RBKS: variants seen among roughly 807,000 people sequenced by gnomAD.
RBKS encodes ribokinase.
RBKS carries 33 observed loss-of-function variants against 33.9 expected under a neutral mutation model. The ratio of observed to expected loss-of-function variants is 0.97; its 90% CI spans 0.74 to 1.30. The LOEUF (loss-of-function observed/expected upper bound fraction) is 1.30, where lower values mean the gene tolerates loss of function less well. RBKS is among the 50% of genes most tolerant of loss of function. The pLI is 0.00. For missense variants in RBKS, 361 were observed against 392.6 expected (o/e 0.92, Z 0.68); for synonymous variants, 125 against 143.0 (o/e 0.87, Z 0.90).
intron 5 of RBKS, among the ~76,000 whole-genome samples, chr2:27,841,165 A>G (rs550324779): frequency 2.6e-4 from 39 of 152,088 alleles, no homozygotes; most frequent in East Asian, 2.5e-3. Flanking sequence ...ACCCCACCCA[A>G]TGACAGCCCC....
intron 7 of RBKS, among the ~76,000 whole-genome samples, chr2:27,812,713 G>A (rs1678009000): frequency 6.6e-6 from 1 of 152,114 alleles, no homozygotes; most frequent in South Asian, 2.1e-4. Context: ...GTTGTGGGGT[G>A]GGGGAAGCGG....
intron 7 of RBKS, among the ~76,000 whole-genome samples, chr2:27,798,171 A>G (rs182006399): frequency 2.0e-4 from 30 of 152,302 alleles, no homozygotes; most frequent in African/African-American, 7.2e-4. Flanking sequence ...ATAAACAGAC[A>G]TGGAGCAGGA....
Position 27,781,565 on chromosome 2 carries a change from C to A in RBKS, c.*50G>T. 1 of 1,457,710 alleles carries A rather than the reference C, an allele frequency of 6.9e-7. No homozygotes were observed. The highest frequency in any genetic ancestry group is 1.4e-5 in the South Asian group (1 of 72,860). 90.3% of individuals were successfully genotyped at this position (1,457,710 alleles called of 1,614,324 possible). On this transcript the variant is annotated 3_prime_UTR_variant, in exon 8 of 8. Transcript: ENST00000302188. ...ATAAGCATTAGCCAGGAGCAGCCAC[C>A]CCCAAGTACATTTTATTCCCAGGTA...
At chr2:27,813,820 G>A (rs1338197059) in intron 7 of RBKS, among the ~76,000 whole-genome samples, 1 of 152,100 alleles carries the variant, frequency 6.6e-6, no homozygotes, top group African/African-American at 2.4e-5. Context: ...GAAGAGTCAC[G>A]AGCAGTATAA....
At chr2:27,794,366 C>T (rs1677599082) in intron 7 of RBKS, among the ~76,000 whole-genome samples, 1 of 147,914 alleles carries the variant, frequency 6.8e-6, no homozygotes, top group Non-Finnish European at 1.5e-5. Flanking sequence ...TTTAAAAATC[C>T]CAAGTGTGAG....
chr2:27,887,643 T>C (rs1664564063), intron 1 of RBKS, among the ~76,000 whole-genome samples: 1 of 152,306 alleles, frequency 6.6e-6, no homozygotes, highest in African/African-American at 2.4e-5. Context: ...TATATGGGAA[T>C]ACAGTTTTTA....
chr2:27,880,429 C>T (rs963342769), intron 1 of RBKS, among the ~76,000 whole-genome samples: 4 of 152,106 alleles, frequency 2.6e-5, no homozygotes, highest in Non-Finnish European at 4.4e-5. Flanking sequence ...CCAGAGTAAC[C>T]AGGCAAGAGA....
chr2:27,800,770 C>A (rs1255874864), intron 7 of RBKS, among the ~76,000 whole-genome samples: 1 of 152,150 alleles, frequency 6.6e-6, no homozygotes, highest in Non-Finnish European at 1.5e-5. Context: ...TAAAGGCATC[C>A]AGGAATGCAC....
chr2:27,885,638 C>T (rs369934790), intron 1 of RBKS, among the ~76,000 whole-genome samples: 2 of 152,152 alleles, frequency 1.3e-5, no homozygotes, highest in East Asian at 3.8e-4. Context: ...GTGAGGCTTT[C>T]TGAAGCCAGT....
intron 1 of RBKS, chr2:27,861,663 T>TGGG (rs56729802): frequency 0.073 from 22,111 of 304,036 alleles, 1,039 homozygotes; most frequent in East Asian, 0.24. Flanking sequence ...CATTTCTTTT[T>TGGG]GGGGGGGGGG....
intron 4 of RBKS, among the ~76,000 whole-genome samples, chr2:27,843,982 G>C (rs951314304): frequency 1.3e-5 from 2 of 152,092 alleles, no homozygotes; most frequent in African/African-American, 2.4e-5. Flanking sequence ...AGTCCTGGCT[G>C]GGCAGAGTGG....
intron 1 of RBKS, among the ~76,000 whole-genome samples, chr2:27,875,215 T>A (rs1352662035): frequency 6.6e-6 from 1 of 152,188 alleles, no homozygotes; most frequent in Non-Finnish European, 1.5e-5. Context: ...GAAGAACTTT[T>A]ATGAAGGCAA....
intron 1 of RBKS, among the ~76,000 whole-genome samples, chr2:27,864,685 C>G (rs977483383): frequency 4.6e-5 from 7 of 151,482 alleles, no homozygotes; most frequent in African/African-American, 1.5e-4. Flanking sequence ...AAAAAAAAAA[C>G]CAGGTTTTTG....
At chr2:27,794,225 A>G (rs1377936595) in intron 7 of RBKS, among the ~76,000 whole-genome samples, 1 of 151,198 alleles carries the variant, frequency 6.6e-6, no homozygotes, top group Non-Finnish European at 1.5e-5. Context: ...TGAACCTGGG[A>G]GGTGGAGGTT....
chr2:27,862,738 G>C (rs1169674994), intron 1 of RBKS, among the ~76,000 whole-genome samples: 1 of 152,106 alleles, frequency 6.6e-6, no homozygotes, highest in Non-Finnish European at 1.5e-5. Flanking sequence ...CTTAGGCTCT[G>C]GTTTCTGTTA....
chr2:27,878,688 A>G (rs1194689971), intron 1 of RBKS, among the ~76,000 whole-genome samples: 1 of 152,038 alleles, frequency 6.6e-6, no homozygotes, highest in Admixed American at 6.5e-5. Flanking sequence ...CCTCTCCAGC[A>G]CCTGTTGTTT....
intron 6 of RBKS, among the ~76,000 whole-genome samples, chr2:27,832,094 G>A (rs1054328076): frequency 6.6e-6 from 1 of 151,816 alleles, no homozygotes; most frequent in African/African-American, 2.4e-5. Context: ...AAGAAAGGGT[G>A]GTACAATATC....
In RBKS at chr2:27,890,179, A is replaced by C; in HGVS notation, c.89+78T>G. On this transcript the variant is annotated intron_variant, in intron 1 of 7. Transcript: ENST00000302188. The surrounding 1 kb of genome is among the most constrained non-coding windows in gnomAD (Gnocchi z 4.8). ...GTCTATCCCTGGAGACCCAGCGCCCAAAAGCTCCACTGGGCGCATAGCGCA... is the reference window on the plus strand; with the variant it reads ...GTCTATCCCTGGAGACCCAGCGCCCCAAAGCTCCACTGGGCGCATAGCGCA... The C allele has an allele frequency of 1.4e-6, 2 of 1,423,556 alleles. No individual in the cohort carries two copies. Among genetic ancestry groups the C allele is most frequent in the Non-Finnish European group, 2.0e-6 (2 of 1,021,712 alleles). 88.2% of individuals were successfully genotyped at this position (1,423,556 alleles called of 1,614,324 possible). A position where few individuals can be genotyped will look rare whatever the true frequency, so the allele number is the denominator to read the frequency against.
In RBKS at chr2:27,868,651, AGT is replaced by A. The variant is rs554801000; in HGVS notation, c.90-10082_90-10081del. On this transcript the variant is annotated intron_variant, in intron 1 of 7. Coordinates refer to ENST00000302188, the MANE Select transcript of RBKS (RefSeq NM_022128.3). ...TCCCTTTCCACCACTTCTTGTTTTG[AGT>A]GTGTCACTAGGTGATGTTACACAGG... 1.5e-3 allele frequency among the ~76,000 whole-genome samples: 233 copies of A among 152,322 alleles called. 3 individuals carry two copies. The highest frequency in any genetic ancestry group is 5.3e-3 in the African/African-American group (220 of 41,574).
Sources: gnomAD v4.1 joint callset for allele counts (sites outside exome capture counted in the v4.1 genomes callset) on GRCh38, gnomAD v4.1.1 for gene constraint, Gnocchi (gnomAD v3.1) non-coding constraint, MANE v1.5 for transcripts, NCBI Gene and HGNC (gene_info 2026-07-23, HGNC 2026-07-21) for gene names.